The following ITGA4 variants were observed in gnomAD, a reference collection of about 807,000 sequenced individuals.
The protein encoded by ITGA4 is integrin alpha-4.
ITGA4 carries 63 observed loss-of-function variants against 133.6 expected under a neutral mutation model. The observed-to-expected ratio is 0.47, with a 90% CI of 0.38 to 0.58. The LOEUF (loss-of-function observed/expected upper bound fraction) is 0.58. ITGA4 is among the 20% of genes least tolerant of loss of function. The probability of loss-of-function intolerance (pLI) is 0.00; values close to 1 mark genes in which losing one functional copy is unlikely to be tolerated. For synonymous variants in ITGA4, 483 were observed against 438.0 expected, an observed-to-expected ratio of 1.10 and a Z score of -1.28; for missense variants, 1,076 against 1,252.7, an observed-to-expected ratio of 0.86 and a Z score of 2.13.
intron 22 of ITGA4, 140 bp downstream of exon 22, chr2:181,527,527 G>A (rs1686859153): frequency 3.4e-6 from 2 of 595,518 alleles, no homozygotes; most frequent in Admixed American, 2.5e-5. Context: ...AGCAGCAGTG[G>A]TACTCCTGCC....
chr2:181,519,609 G>A lies in ITGA4; in HGVS notation c.1923-2582G>A, dbSNP rs187739775. Among the ~76,000 whole-genome samples the A allele has an allele frequency of 4.6e-5, 7 of 152,096 alleles. 1 individual carries two copies. Among genetic ancestry groups the A allele is most frequent in the South Asian group, 4.1e-4 (2 of 4,820 alleles). On this transcript the variant is annotated intron_variant, in intron 17 of 27. Coordinates refer to ENST00000397033, the MANE Select transcript of ITGA4 (RefSeq NM_000885.6). ...TTCATAAGAATAACTCTCAAAAACC[G>A]TACCACATTTCCAGTTTGGATTTTG...
chr2:181,479,537 A>G (rs1427137246), intron 5 of ITGA4: 1 of 152,044 alleles, frequency 6.6e-6, no homozygotes, highest in Non-Finnish European at 1.5e-5. Flanking sequence ...GAGTATAGAA[A>G]TATGCTAAAG....
rs746633853 is a variant in ITGA4 at position 181,530,478 on chromosome 2, T to C, written c.2539-46T>C. 1.8e-5 allele frequency: 28 copies of C among 1,563,226 alleles called. No homozygotes were observed. In the Admixed American group the frequency reaches 2.5e-4, roughly 14 times the overall value. ...AAACCAGGTTGCTTTTTGCTGTTTT[T>C]TCCAGTGTTGAAAGATAAGATTTCT... On this transcript the variant is annotated intron_variant, in intron 23 of 27. Transcript: ENST00000397033.
At chr2:181,469,718 T>C (rs1685500231) in intron 2 of ITGA4, among the ~76,000 whole-genome samples, 1 of 152,110 alleles carries the variant, frequency 6.6e-6, no homozygotes, top group South Asian at 2.1e-4. Context: ...ATATACACCA[T>C]GAAATACTAT....
chr2:181,457,437 G>A lies in ITGA4; in HGVS notation c.-218G>A. 1 of 508,856 alleles carries A rather than the reference G, an allele frequency of 2.0e-6. No individual in the cohort carries two copies. The highest frequency in any genetic ancestry group is 2.4e-5 in the South Asian group (1 of 41,686). 31.5% of individuals were successfully genotyped at this position (508,856 alleles called of 1,614,324 possible). On this transcript the variant is annotated 5_prime_UTR_variant, in exon 1 of 28. Transcript: ENST00000397033. ...CGGCTGGCGGCAGAAACCGGGAGTG[G>A]GGCCGGGCGAGTGCGCGGCATCCCA...
chr2:181,486,583 G>T (rs1685924149), intron 10 of ITGA4, among the ~76,000 whole-genome samples: 1 of 152,170 alleles, frequency 6.6e-6, no homozygotes, highest in African/African-American at 2.4e-5. Flanking sequence ...CACTGATATT[G>T]ACGTTTTTTA....
chr2:181,514,602 C>T (rs749145401), intron 17 of ITGA4, among the ~76,000 whole-genome samples: 13 of 147,764 alleles, frequency 8.8e-5, no homozygotes, highest in Non-Finnish European at 1.8e-4. Flanking sequence ...CTTCCTAAAC[C>T]GCTTAATTAT....
intron 15 of ITGA4, among the ~76,000 whole-genome samples, chr2:181,502,607 T>C (rs991171790): frequency 6.6e-6 from 1 of 152,114 alleles, no homozygotes; most frequent in Admixed American, 6.6e-5. Context: ...GAAGTTCTTG[T>C]CTGATTGCTT....
intron 17 of ITGA4, 29 bp from the exon 18 acceptor site, chr2:181,522,162 A>C: frequency 7.2e-7 from 1 of 1,397,222 alleles, no homozygotes; most frequent in Non-Finnish European, 9.9e-7. Context: ...TTCCTAAACA[A>C]GAACTAAATA....
At chr2:181,472,012 G>T (rs532991512) in intron 2 of ITGA4, among the ~76,000 whole-genome samples, 6 of 152,284 alleles carry the variant, frequency 3.9e-5, no homozygotes, top group African/African-American at 1.4e-4. Context: ...GAGCTGAGAG[G>T]CACTCATGTG....
At position 181,458,265 on chromosome 2, in the gene ITGA4, C is replaced by T. The variant is rs1574370027; in HGVS notation, c.267C>T (p.Tyr89=). The T allele has an allele frequency of 6.2e-7, 1 of 1,613,350 alleles. No individual in the cohort carries two copies. The highest frequency in any genetic ancestry group is 8.5e-7 in the Non-Finnish European group (1 of 1,179,678). ...NASVINPGAI[Y]RCRIGKNPGQ... is the part of the protein sequence containing the mutation. ...CAGTGATCAATCCCGGGGCGATTTA[C>T]AGATGCAGGATCGGAAAGAATCCCG... Residue 89 remains tyrosine, a synonymous_variant, in exon 2 of 28, where the codon TAC becomes TAT. Transcript: ENST00000397033.
chr2:181,485,799 T>C, intron 9 of ITGA4, 82 bp from the exon 10 acceptor site: 1 of 1,194,082 alleles, frequency 8.4e-7, no homozygotes. Context: ...TTAGAAAAAA[T>C]CCATATCCAA....
chr2:181,534,839 T>G lies in ITGA4; in HGVS notation c.2907T>G (p.His969Gln). The stretch of plus-strand genomic sequence containing the variant: ...AGGTTCTACTGGAAGGACTACATCA[T>G]CAAAGACCCAAACGTTATTTCACCA... ...VAHVLLEGLH[H>Q]QRPKRYFTIV... is the part of the protein sequence containing the mutation. The change falls in exon 27 of 28, where the codon CAT becomes CAG. Residue 969 changes from histidine to glutamine, a missense_variant. By Grantham distance (24) the His-to-Gln change is conservative. This residue lies in a region of ITGA4 where 193 missense variants were observed against 172.3 expected (regional missense o/e 1.12). Transcript: ENST00000397033. 6.3e-7 allele frequency: 1 copy of G among 1,598,962 alleles called. No individual in the cohort carries two copies.
Position 181,536,594 on chromosome 2 carries a change from A to G in ITGA4, c.*1067A>G, listed in dbSNP as rs1469829382. 6.2e-6 allele frequency: 1 copy of G among 162,284 alleles called. No homozygotes were observed. Among genetic ancestry groups the G allele is most frequent in the African/African-American group, 2.8e-5 (1 of 36,320 alleles). 10.1% of individuals were successfully genotyped at this position (162,284 alleles called of 1,614,324 possible). A position where few individuals can be genotyped will look rare whatever the true frequency, so the allele number is the denominator to read the frequency against. On this transcript the variant is annotated 3_prime_UTR_variant, in exon 28 of 28. Coordinates refer to ENST00000397033, the MANE Select transcript of ITGA4 (RefSeq NM_000885.6). ...ATGGAAACGAAGAAACAAAATTCAT[A>G]AATTTAAATTCATAAATTTAGCTGA...
chr2:181,511,101 C>A (rs1686498056), intron 16 of ITGA4, among the ~76,000 whole-genome samples: 1 of 151,976 alleles, frequency 6.6e-6, no homozygotes, highest in Admixed American at 6.6e-5. Context: ...TTTTATCTCT[C>A]CCCATTTTTT....
intron 15 of ITGA4, among the ~76,000 whole-genome samples, chr2:181,505,396 G>A (rs1419275935): frequency 1.3e-5 from 2 of 152,042 alleles, no homozygotes; most frequent in East Asian, 3.9e-4. Context: ...TTCCATGAAA[G>A]TCAAGCAAGA....
chr2:181,458,046 G>A, intron 1 of ITGA4, 150 bp from the exon 2 acceptor site: 1 of 1,221,182 alleles, frequency 8.2e-7, no homozygotes, highest in South Asian at 1.4e-5. Flanking sequence ...GTGCGTTATG[G>A]TGCAAGGTCT....
intron 17 of ITGA4, among the ~76,000 whole-genome samples, chr2:181,520,771 A>G (rs1336234329): frequency 1.3e-5 from 2 of 152,078 alleles, no homozygotes; most frequent in African/African-American, 4.8e-5. Flanking sequence ...TCTGTCCTTT[A>G]TTATATCAGC....
chr2:181,526,821 C>CTTTGTTTTTTTTTTTTTTTTT (rs1686838817), intron 21 of ITGA4, among the ~76,000 whole-genome samples: 1 of 40,994 alleles, frequency 2.4e-5, no homozygotes, highest in African/African-American at 6.2e-5. Context: ...AGCACATGGC[C>CTTTGTTTTTTTTTTTTTTTTT]TTTTTTTTTT....
Sources: allele counts gnomAD v4.1 joint callset (sites outside exome capture counted in the v4.1 genomes callset), GRCh38; gene constraint gnomAD v4.1.1; regional missense constraint gnomAD v4.1.1; transcripts MANE v1.5; gene names NCBI Gene and HGNC (gene_info 2026-07-23, HGNC 2026-07-21).